APBA2: variants seen among roughly 807,000 people sequenced by gnomAD.
The protein encoded by APBA2 is amyloid-beta A4 precursor protein-binding family A member 2.
A neutral mutation model predicts 75.0 loss-of-function variants in APBA2; 30 were observed. The observed-to-expected ratio is 0.40, with a 90% CI of 0.30 to 0.54. The LOEUF is 0.54. Ranked by LOEUF, APBA2 falls within the 20% of genes least tolerant of loss-of-function variation. The pLI is 0.49. For missense variants in APBA2, 801 were observed against 1,016.1 expected (o/e 0.79, Z 2.88); for synonymous variants, 444 against 409.6 (o/e 1.08, Z -1.01).
chr15:28,941,429 C>T (rs540775410), intron 2 of APBA2, among the ~76,000 whole-genome samples: 1 of 149,622 alleles, frequency 6.7e-6, no homozygotes, highest in South Asian at 2.1e-4. Flanking sequence ...GTGCTTCAGG[C>T]ACCTGGCCAT....
intron 9 of APBA2, 113 bp downstream of exon 9, chr15:29,098,689 C>T: frequency 1.1e-6 from 1 of 916,050 alleles, no homozygotes; most frequent in Non-Finnish European, 1.7e-6. Context: ...CTCTCTGCGC[C>T]CATCAACCCA....
chr15:28,970,646 G>A (rs1011219803), intron 2 of APBA2: 2 of 151,586 alleles, frequency 1.3e-5, no homozygotes, highest in African/African-American at 2.4e-5. Flanking sequence ...AAGCGTCCTG[G>A]AAAATCCATC....
intron 2 of APBA2, among the ~76,000 whole-genome samples, chr15:28,938,573 A>G (rs1219490833): frequency 3.9e-5 from 6 of 152,062 alleles, no homozygotes; most frequent in Admixed American, 1.3e-4. Context: ...CAGGGGTGCA[A>G]TCTTGGCTCA....
At chr15:28,901,907 G>GGTGTGTGTGTGTGTGTGTGTGT (rs1298489682) in intron 1 of APBA2, among the ~76,000 whole-genome samples, 1 of 15,902 alleles carries the variant, frequency 6.3e-5, no homozygotes, top group Non-Finnish European at 1.2e-4. Flanking sequence ...GGGAGCTTTT[G>GGTGTGTGTGTGTGTGTGTGTGT]ATGTGTGTGT....
In APBA2 at chr15:29,037,589, C is replaced by A. The variant is rs536660218; in HGVS notation, c.-40-16256C>A. On this transcript the variant is annotated intron_variant, in intron 3 of 14. Transcript: ENST00000683413. ...AAGCAGAGAGAGACAGCCAGAGTTACGTGGGGCTGGAAGAAATCAGGCCAG... is the reference window on the plus strand; with the variant it reads ...AAGCAGAGAGAGACAGCCAGAGTTAAGTGGGGCTGGAAGAAATCAGGCCAG... 5.3e-5 allele frequency among the ~76,000 whole-genome samples: 8 copies of A among 152,092 alleles called. No homozygotes were observed. In the South Asian group the frequency reaches 1.0e-3, roughly 20 times the overall value.
intron 3 of APBA2, among the ~76,000 whole-genome samples, chr15:29,052,856 A>T (rs1442099736): frequency 6.6e-6 from 1 of 152,168 alleles, no homozygotes; most frequent in Non-Finnish European, 1.5e-5. Context: ...GAAAGAGAGC[A>T]AGAGAGAGCC....
intron 3 of APBA2, among the ~76,000 whole-genome samples, chr15:29,035,668 G>A (rs181907187): frequency 5.4e-4 from 82 of 152,286 alleles, no homozygotes; most frequent in African/African-American, 1.9e-3. Flanking sequence ...AGAAATCGAT[G>A]TGGTGTTCCA....
At chr15:28,972,753 G>C (rs1335510945) in intron 2 of APBA2, among the ~76,000 whole-genome samples, 1 of 152,194 alleles carries the variant, frequency 6.6e-6, no homozygotes, top group African/African-American at 2.4e-5. Flanking sequence ...TGCAGGCAAT[G>C]AGGAGTTTCA....
chr15:28,892,700 T>C (rs1252348723), intron 1 of APBA2, among the ~76,000 whole-genome samples: 1 of 152,136 alleles, frequency 6.6e-6, no homozygotes, highest in Non-Finnish European at 1.5e-5. Flanking sequence ...TATATATATA[T>C]AAAATTTTTT....
chr15:28,998,644 T>C (rs1278496640), intron 3 of APBA2, among the ~76,000 whole-genome samples: 1 of 152,036 alleles, frequency 6.6e-6, no homozygotes, highest in East Asian at 1.9e-4. Context: ...CTGTGTGACA[T>C]TTGTGCAGGG....
intron 3 of APBA2, among the ~76,000 whole-genome samples, chr15:29,004,161 C>T (rs1227552044): frequency 6.6e-6 from 1 of 152,172 alleles, no homozygotes; most frequent in Non-Finnish European, 1.5e-5. Flanking sequence ...GTCTTAGAGA[C>T]TTGGGATATG....
At chr15:29,113,092 C>T (rs1042503704) in intron 13 of APBA2, among the ~76,000 whole-genome samples, 2 of 152,160 alleles carry the variant, frequency 1.3e-5, no homozygotes, top group Non-Finnish European at 1.5e-5. Context: ...TCTGTTTCTC[C>T]GCTAGTCCGT....
At chr15:29,003,190 C>T (rs531402861) in intron 3 of APBA2, among the ~76,000 whole-genome samples, 11 of 151,992 alleles carry the variant, frequency 7.2e-5, no homozygotes, top group South Asian at 6.2e-4. Context: ...TTGGAGGGTG[C>T]GGCATGGGGT....
At chr15:29,078,279 C>T (rs754417994) in intron 6 of APBA2, among the ~76,000 whole-genome samples, 5 of 149,820 alleles carry the variant, frequency 3.3e-5, no homozygotes, top group Admixed American at 1.3e-4. Context: ...GGCAACAGAG[C>T]GAAACTCCGT....
chr15:28,913,525 G>A (rs2033530001), intron 1 of APBA2, among the ~76,000 whole-genome samples: 1 of 152,186 alleles, frequency 6.6e-6, no homozygotes, highest in African/African-American at 2.4e-5. Flanking sequence ...CCTGGGATCT[G>A]TGCCTGTCTA....
chr15:29,111,393 G>A (rs1393877246), intron 13 of APBA2, among the ~76,000 whole-genome samples: 2 of 152,244 alleles, frequency 1.3e-5, no homozygotes, highest in South Asian at 2.1e-4. Flanking sequence ...GCTGGCAGCC[G>A]AGGAGAGGGG....
At chr15:28,996,043 C>T (rs74007025) in intron 3 of APBA2, among the ~76,000 whole-genome samples, 5,308 of 152,158 alleles carry the variant, frequency 0.035, 305 homozygotes, top group African/African-American at 0.12. Flanking sequence ...TGCCCGGAAC[C>T]GACCTGCCCA....
intron 3 of APBA2, among the ~76,000 whole-genome samples, chr15:29,042,557 T>C (rs7183087): frequency 0.27 from 41,212 of 152,034 alleles, 8,073 homozygotes; most frequent in African/African-American, 0.54. Context: ...CACACCCAGC[T>C]GCAGTGATCC....
At chr15:29,047,681 G>C (rs1247205771) in intron 3 of APBA2, among the ~76,000 whole-genome samples, 1 of 152,132 alleles carries the variant, frequency 6.6e-6, no homozygotes, top group Non-Finnish European at 1.5e-5. Flanking sequence ...GGAAGTGCAG[G>C]GCAGGGTAGT....
Sources: gnomAD v4.1 joint callset for allele counts (sites outside exome capture counted in the v4.1 genomes callset) on GRCh38, gnomAD v4.1.1 for gene constraint, MANE v1.5 for transcripts, NCBI Gene and HGNC (gene_info 2026-07-23, HGNC 2026-07-21) for gene names.